KLHL29: variants seen among roughly 807,000 people sequenced by gnomAD.
KLHL29 encodes the protein kelch-like protein 29.
A neutral mutation model predicts 80.4 loss-of-function variants in KLHL29; 21 were observed. That is an observed-to-expected ratio of 0.26 (90% CI 0.19 to 0.38). The LOEUF is 0.38. Among genes scored for constraint, KLHL29 ranks in the 10% least tolerant of loss-of-function variants. KLHL29 has a pLI of 1.00. For missense variants in KLHL29, 867 were observed against 1,223.9 expected (o/e 0.71, Z 4.35); for synonymous variants, 511 against 526.8 (o/e 0.97, Z 0.41).
chr2:23,528,789 C>T (rs937403360), intron 2 of KLHL29, among the ~76,000 whole-genome samples: 2 of 152,224 alleles, frequency 1.3e-5, no homozygotes, highest in African/African-American at 4.8e-5. Flanking sequence ...ATCCTAGGGG[C>T]GCACACATCC....
At chr2:23,557,070 A>G (rs181817264) in intron 2 of KLHL29, among the ~76,000 whole-genome samples, 12 of 152,310 alleles carry the variant, frequency 7.9e-5, no homozygotes, top group Admixed American at 2.0e-4. Flanking sequence ...GCAGCCTGCC[A>G]GGAAAGGGGG....
At chr2:23,421,680 TGTG>T (rs537279858) in intron 1 of KLHL29, among the ~76,000 whole-genome samples, 1,657 of 150,992 alleles carry the variant, frequency 0.011, 8 homozygotes, top group Non-Finnish European at 0.018. Flanking sequence ...TGTTATATGT[TGTG>T]TGTGTGACTG....
intron 1 of KLHL29, among the ~76,000 whole-genome samples, chr2:23,433,030 C>G (rs576470568): frequency 1.6e-4 from 24 of 152,258 alleles, no homozygotes; most frequent in African/African-American, 5.1e-4. Context: ...GGTGCTGATT[C>G]CTTGCTGACA....
At chr2:23,412,123 G>GGC (rs1553319914) in intron 1 of KLHL29, among the ~76,000 whole-genome samples, 3 of 5,614 alleles carry the variant, frequency 5.3e-4, no homozygotes, top group African/African-American at 2.0e-3. Flanking sequence ...TGTGCGTGAA[G>GGC]GGGGGGGGGG....
intron 2 of KLHL29, among the ~76,000 whole-genome samples, chr2:23,537,482 C>A (rs1666708300): frequency 7.1e-6 from 1 of 140,926 alleles, no homozygotes. Flanking sequence ...GCACACGCTT[C>A]TCCAGCAGAT....
At chr2:23,549,462 T>C (rs77266623) in intron 2 of KLHL29, among the ~76,000 whole-genome samples, 31 of 147,824 alleles carry the variant, frequency 2.1e-4, no homozygotes, top group African/African-American at 6.6e-4. Context: ...CTGGGCTTCT[T>C]TTTTTTTTTT....
chr2:23,696,422 C>T lies in KLHL29; in HGVS notation c.2014C>T (p.Pro672Ser), dbSNP rs1030271124. The change falls in exon 11 of 14, where the codon CCC becomes TCC. Residue 672 changes from proline (P) to serine (S), a missense_variant. By Grantham distance (74) the Pro-to-Ser change is moderately conservative. Transcript: ENST00000486442. The surrounding 1 kb of genome is among the most constrained non-coding windows in gnomAD (Gnocchi z 5.5). ...NWNLVSRMTV[P>S]RCRHNSLVYD... is the part of the protein sequence containing the mutation. ...GAACCTCGTCTCCAGAATGACAGTC[C>T]CCCGCTGTCGGCACAATAGCCTCGT... is the stretch of plus-strand genomic sequence containing the variant. 36 of 1,551,244 alleles carry T rather than the reference C, an allele frequency of 2.3e-5. No individual in the cohort carries two copies. In the Admixed American group the frequency reaches 6.7e-4, roughly 29 times the overall value.
intron 11 of KLHL29, chr2:23,697,643 C>CTCAT (rs1030191396): frequency 6.6e-6 from 1 of 152,170 alleles, no homozygotes; most frequent in African/African-American, 2.4e-5. Flanking sequence ...GCTCTGAATG[C>CTCAT]TCATTGTGGG....
chr2:23,525,732 C>CG lies in KLHL29; in HGVS notation c.-45-36420_-45-36419insG, dbSNP rs758340701. ...CGAGTGAGCCCCAGCCCCTGCCCCC[C>CG]CCCCCCACCCGAGGCGAGCCAGCAG... On this transcript the variant is annotated intron_variant, in intron 2 of 13. Transcript: ENST00000486442. Among the ~76,000 whole-genome samples, 5 of 66,694 alleles carry CG rather than the reference C, an allele frequency of 7.5e-5. No homozygotes were observed. The South Asian group carries it at 2.7e-3, about 36-fold the overall frequency. 43.8% of individuals were successfully genotyped at this position (66,694 alleles called of 152,430 possible). A position where few individuals can be genotyped will look rare whatever the true frequency, so the allele number is the denominator to read the frequency against.
At chr2:23,619,975 G>T (rs569615155) in intron 3 of KLHL29, among the ~76,000 whole-genome samples, 1 of 152,306 alleles carries the variant, frequency 6.6e-6, no homozygotes, top group African/African-American at 2.4e-5. Flanking sequence ...TTTCCTGTGG[G>T]GCATGCTGGG....
chr2:23,570,325 G>A (rs1008021690), intron 3 of KLHL29, among the ~76,000 whole-genome samples: 2 of 152,184 alleles, frequency 1.3e-5, no homozygotes, highest in African/African-American at 4.8e-5. Flanking sequence ...AAGGAGTCCC[G>A]GGAGCTGGGG....
intron 1 of KLHL29, among the ~76,000 whole-genome samples, chr2:23,408,296 A>C (rs1666780990): frequency 7.9e-6 from 1 of 126,838 alleles, no homozygotes; most frequent in Non-Finnish European, 1.7e-5. Context: ...AAAAAAAAAA[A>C]AAAAATTGAG....
rs118001934 is a variant in KLHL29, at chr2:23,510,724, G to A, written c.-46+35057G>A. Among the ~76,000 whole-genome samples the A allele has an allele frequency of 3.9e-5, 6 of 152,322 alleles. No individual in the cohort carries two copies. In the East Asian group the frequency reaches 1.2e-3, roughly 29 times the overall value. ...GAGGTTAGAGCTCCAGAGGGAGGGCGGCTCCTGCCCTAAGGGAGACAAGTG... is the reference window on the plus strand; with the variant it reads ...GAGGTTAGAGCTCCAGAGGGAGGGCAGCTCCTGCCCTAAGGGAGACAAGTG... On this transcript the variant is annotated intron_variant, in intron 2 of 13. Transcript: ENST00000486442.
At chr2:23,493,284 A>C (rs1665159293) in intron 2 of KLHL29, among the ~76,000 whole-genome samples, 2 of 152,162 alleles carry the variant, frequency 1.3e-5, no homozygotes, top group Non-Finnish European at 2.9e-5. Context: ...GTGGCCAGGC[A>C]GGCCAGGATG....
At chr2:23,676,673 C>A (rs1670931028) in intron 5 of KLHL29, among the ~76,000 whole-genome samples, 1 of 152,054 alleles carries the variant, frequency 6.6e-6, no homozygotes, top group African/African-American at 2.4e-5. Flanking sequence ...TGGATGGGAC[C>A]CTAGGAAGCA....
intron 8 of KLHL29, among the ~76,000 whole-genome samples, chr2:23,694,535 G>A (rs560479209): frequency 6.6e-5 from 10 of 152,090 alleles, no homozygotes; most frequent in Admixed American, 2.6e-4. Context: ...TTGCCTCGTC[G>A]ACTCCACAGG....
chr2:23,588,928 G>A (rs1668184107), intron 3 of KLHL29, among the ~76,000 whole-genome samples: 1 of 152,220 alleles, frequency 6.6e-6, no homozygotes, highest in Admixed American at 6.5e-5. Context: ...CGTACCCAAA[G>A]ATTGATGATT....
chr2:23,697,944 ATTC>A (rs1408866459), intron 11 of KLHL29: 5 of 152,262 alleles, frequency 3.3e-5, no homozygotes, highest in Non-Finnish European at 2.9e-5. Context: ...TGGATCCGTC[ATTC>A]TGTCTTGCTT....
intron 1 of KLHL29, among the ~76,000 whole-genome samples, chr2:23,433,410 G>C (rs1187394037): frequency 1.3e-5 from 2 of 152,180 alleles, no homozygotes; most frequent in Non-Finnish European, 2.9e-5. Flanking sequence ...GAGGGAATCT[G>C]GTGTTGGGGG....
Sources: allele counts gnomAD v4.1 joint callset (sites outside exome capture counted in the v4.1 genomes callset), GRCh38; gene constraint gnomAD v4.1.1; non-coding constraint Gnocchi (gnomAD v3.1); transcripts MANE v1.5; gene names NCBI Gene and HGNC (gene_info 2026-07-23, HGNC 2026-07-21).